The following NDST4 variants were observed in gnomAD, a reference collection of about 807,000 sequenced individuals.
NDST4 encodes the protein N-deacetylase and N-sulfotransferase 4.
A neutral mutation model predicts 100.8 loss-of-function variants in NDST4; 63 were observed. The ratio of observed to expected loss-of-function variants is 0.62; its 90% confidence interval spans 0.51 to 0.77. NDST4 has a LOEUF of 0.77. NDST4 is among the 30% of genes least tolerant of loss of function. NDST4 has a pLI of 0.00. For missense variants in NDST4, 943 were observed against 1,018.4 expected (o/e 0.93, Z 1.01); for synonymous variants, 377 against 361.8 (o/e 1.04, Z -0.48).
intron 2 of NDST4, among the ~76,000 whole-genome samples, chr4:115,064,519 A>T (rs1305138120): frequency 6.6e-6 from 1 of 152,062 alleles, no homozygotes; most frequent in African/African-American, 2.4e-5. Context: ...AATAGGAAGG[A>T]GAAAAAGGAG....
At chr4:114,909,045 G>T (rs1560807067) in intron 6 of NDST4, among the ~76,000 whole-genome samples, 1 of 151,984 alleles carries the variant, frequency 6.6e-6, no homozygotes, top group Non-Finnish European at 1.5e-5. Context: ...TTGATATAAT[G>T]CCTCCTATCC....
At chr4:114,874,007 C>T (rs922745755) in intron 6 of NDST4, among the ~76,000 whole-genome samples, 17 of 152,036 alleles carry the variant, frequency 1.1e-4, no homozygotes, top group African/African-American at 4.1e-4. Context: ...TAAGTGCATT[C>T]ACATTGTTGT....
intron 1 of NDST4, among the ~76,000 whole-genome samples, chr4:115,079,363 G>GAAA (rs199667475): frequency 4.1e-4 from 32 of 77,746 alleles, no homozygotes; most frequent in African/African-American, 1.2e-3. Context: ...CTCTGTCTCA[G>GAAA]AAAAAAAAAA....
At position 114,937,315 on chromosome 4, in the gene NDST4, C is replaced by T. The variant is rs1725650420; in HGVS notation, c.1407+3G>A. The T allele has an allele frequency of 2.5e-6, 4 of 1,613,912 alleles. No individual in the cohort carries two copies. Among genetic ancestry groups the T allele is most frequent in the Non-Finnish European group, 3.4e-6 (4 of 1,179,798 alleles). Reference sequence around the variant, plus strand: ...TTCAATATACATGGCTCTCTGTGCTCACCATGATGCTATTGTGAATGAAGC... The same window carrying T: ...TTCAATATACATGGCTCTCTGTGCTTACCATGATGCTATTGTGAATGAAGC... On this transcript the variant is annotated splice_donor_region_variant and intron_variant, in intron 5 of 13. Coordinates refer to ENST00000264363, the MANE Select transcript of NDST4 (RefSeq NM_022569.3).
intron 2 of NDST4, among the ~76,000 whole-genome samples, chr4:115,009,811 T>A: frequency 1.4e-5 from 1 of 70,566 alleles, no homozygotes. Flanking sequence ...ATATCCAGAA[T>A]CTACAATGAA....
intron 6 of NDST4, among the ~76,000 whole-genome samples, chr4:114,924,532 T>C (rs1020216281): frequency 1.3e-5 from 2 of 151,530 alleles, no homozygotes; most frequent in African/African-American, 4.9e-5. Flanking sequence ...TCCACAGGGG[T>C]CCATTCCTCT....
At position 114,848,358 on chromosome 4, in the gene NDST4, T is replaced by C; in HGVS notation, c.1817-20A>G. The C allele has an allele frequency of 6.5e-7, 1 of 1,538,646 alleles. No individual in the cohort carries two copies. The highest frequency in any genetic ancestry group is 1.4e-5 in the African/African-American group (1 of 71,882). On this transcript the variant is annotated intron_variant, in intron 8 of 13. Transcript: ENST00000264363. The stretch of plus-strand genomic sequence containing the variant: ...TTGTTCCTGTTACAAAAAAAGAAAG[T>C]AAAAGGTTATATGGCAATAAGAGAC...
intron 2 of NDST4, among the ~76,000 whole-genome samples, chr4:115,011,935 A>G (rs1224545806): frequency 6.6e-6 from 1 of 151,896 alleles, no homozygotes; most frequent in Non-Finnish European, 1.5e-5. Flanking sequence ...ATACTAAATT[A>G]TTTTTAAATT....
At chr4:114,833,504 T>C (rs1353139535) in intron 12 of NDST4, 102 bp downstream of exon 12, 3 of 720,294 alleles carry the variant, frequency 4.2e-6, no homozygotes, top group Non-Finnish European at 7.4e-6. Context: ...GCATAGGATG[T>C]ATAAATTCTA....
intron 4 of NDST4, among the ~76,000 whole-genome samples, chr4:114,954,459 A>G (rs1174902257): frequency 3.3e-5 from 5 of 152,178 alleles, no homozygotes; most frequent in African/African-American, 1.2e-4. Flanking sequence ...GAGGTATATT[A>G]GAGAAATGAG....
intron 2 of NDST4, among the ~76,000 whole-genome samples, chr4:114,993,905 A>G (rs556962327): frequency 5.9e-5 from 9 of 152,110 alleles, no homozygotes; most frequent in Admixed American, 2.0e-4. Flanking sequence ...GTGTCTATTG[A>G]CAAATCTTAA....
chr4:114,831,052 C>CT (rs1041070792), intron 12 of NDST4, among the ~76,000 whole-genome samples: 187 of 147,372 alleles, frequency 1.3e-3, no homozygotes, highest in Middle Eastern at 3.5e-3. Context: ...CTGGACTTTT[C>CT]TTTTTTTTTT....
chr4:114,870,310 T>C (rs1007969339), intron 7 of NDST4, among the ~76,000 whole-genome samples: 4 of 152,160 alleles, frequency 2.6e-5, no homozygotes, highest in African/African-American at 9.6e-5. Flanking sequence ...TCTATATGGA[T>C]ACAAGGTGAA....
chr4:115,040,646 G>A (rs76669554), intron 2 of NDST4, among the ~76,000 whole-genome samples: 14,305 of 151,840 alleles, frequency 0.094, 2,075 homozygotes, highest in African/African-American at 0.31. Context: ...AGCACAGCTC[G>A]TAGCCATGAA....
At position 115,007,857 on chromosome 4, in the gene NDST4, C is replaced by A. The variant is rs1376927553; in HGVS notation, c.979-30583G>T. ...CCATCTGGCACAACTCCTCTCTGGG[C>A]TCTGTTTGCATTGCTCCTGAAAGGA... On this transcript the variant is annotated intron_variant, in intron 2 of 13. Coordinates refer to ENST00000264363, the MANE Select transcript of NDST4 (RefSeq NM_022569.3). Among the ~76,000 whole-genome samples, 2 of 129,788 alleles carry A rather than the reference C, an allele frequency of 1.5e-5. 1 individual carries two copies. Among genetic ancestry groups the A allele is most frequent in the Non-Finnish European group, 3.3e-5 (2 of 60,538 alleles). 85.1% of individuals were successfully genotyped at this position (129,788 alleles called of 152,430 possible). A position where few individuals can be genotyped will look rare whatever the true frequency, so the allele number is the denominator to read the frequency against.
intron 6 of NDST4, among the ~76,000 whole-genome samples, chr4:114,905,400 T>A (rs539497010): frequency 5.3e-5 from 8 of 152,054 alleles, no homozygotes; most frequent in Admixed American, 1.3e-4. Context: ...ACAATCTGAT[T>A]TTTTAATCCA....
rs142868702 is a variant in NDST4 at position 114,915,862 on chromosome 4, G to T, written c.1536+19344C>A. The stretch of plus-strand genomic sequence containing the variant: ...GGGGGAGAGGGAAGGGAAGGAAGAG[G>T]GTAGGAGAGAAAAAAAGAAGGGTAA... On this transcript the variant is annotated intron_variant, in intron 6 of 13. Coordinates refer to ENST00000264363, the MANE Select transcript of NDST4 (RefSeq NM_022569.3). Among the ~76,000 whole-genome samples the T allele has an allele frequency of 1.7e-3, 261 of 151,650 alleles. 2 individuals carry two copies. The highest frequency in any genetic ancestry group is 5.9e-3 in the African/African-American group (246 of 41,376).
At chr4:114,913,553 G>C (rs1725106381) in intron 6 of NDST4, among the ~76,000 whole-genome samples, 1 of 151,882 alleles carries the variant, frequency 6.6e-6, no homozygotes, top group South Asian at 2.1e-4. Flanking sequence ...TATAGAATGA[G>C]ATCATTGATA....
chr4:114,928,762 G>C (rs1306404668), intron 6 of NDST4, among the ~76,000 whole-genome samples: 1 of 152,080 alleles, frequency 6.6e-6, no homozygotes, highest in East Asian at 1.9e-4. Context: ...AAACAAAAAA[G>C]CTAAGTAAAA....
Sources: allele counts gnomAD v4.1 joint callset (sites outside exome capture counted in the v4.1 genomes callset), GRCh38; gene constraint gnomAD v4.1.1; transcripts MANE v1.5; gene names NCBI Gene and HGNC (gene_info 2026-07-23, HGNC 2026-07-21).